Variants in EIF2AK4 observed in about 807,000 individuals in gnomAD.
EIF2AK4 encodes the protein eIF-2-alpha kinase GCN2.
EIF2AK4 carries 139 observed loss-of-function variants against 211.1 expected under a neutral mutation model. That is an observed-to-expected ratio of 0.66 (90% CI 0.57 to 0.76). The LOEUF (loss-of-function observed/expected upper bound fraction) is 0.76, where lower values mean the gene tolerates loss of function less well. EIF2AK4 is among the 30% of genes least tolerant of loss of function. EIF2AK4 has a pLI of 0.00. For missense variants in EIF2AK4, 1,664 were observed against 2,043.8 expected (o/e 0.81, Z 3.58); for synonymous variants, 710 against 751.3 (o/e 0.94, Z 0.90).
rs926325122 is a variant in EIF2AK4 at position 40,035,205 on chromosome 15, C to A, written c.*121C>A. 6.7e-6 allele frequency: 5 copies of A among 741,676 alleles called. No homozygotes were observed. The Admixed American group carries it at 1.2e-4, about 18-fold the overall frequency. The allele number at this position is 741,676 out of a possible 1,614,324, so 45.9% of individuals were successfully genotyped here. On this transcript the variant is annotated 3_prime_UTR_variant, in exon 39 of 39. Transcript: ENST00000263791. ...TAAGAAGAGGCTGGGTGCAGTGGCT[C>A]ACACCTTTAATCCCAGCACTTTGGG... is the stretch of plus-strand genomic sequence containing the variant.
intron 18 of EIF2AK4, among the ~76,000 whole-genome samples, chr15:39,996,326 G>A (rs1010489613): frequency 2.0e-5 from 3 of 152,192 alleles, no homozygotes; most frequent in African/African-American, 7.2e-5. Flanking sequence ...ATCAATCTCA[G>A]TTGTCCTTGC....
Position 40,035,004 on chromosome 15 carries a change from A to T in EIF2AK4, c.4893-23A>T, listed in dbSNP as rs182154171. On this transcript the variant is annotated intron_variant, in intron 38 of 38. Transcript: ENST00000263791. ...CACTCATTAAACTGAGTCTGTCCTT[A>T]TATCTTTTCTTTTCTTTTGCAGGGT... The T allele has an allele frequency of 2.1e-4, 330 of 1,563,122 alleles. 1 individual carries two copies. The highest frequency in any genetic ancestry group is 3.2e-4 in the East Asian group (14 of 44,330).
chr15:39,965,828 T>C lies in EIF2AK4; in HGVS notation c.1002T>C (p.Asp334=). Residue 334 remains aspartate, a synonymous_variant, in exon 8 of 39, where the codon GAT becomes GAC. Transcript: ENST00000263791. ...CCAGTCAAGAAAAAGAGAAGATTGA[T>C]AAGTGCAAAAAGCAGGTAAGCATCC... ...FLTSQEKEKI[D]KCKKQIQGTE... 6.2e-7 allele frequency: 1 copy of C among 1,613,958 alleles called. No homozygotes were observed. The highest frequency in any genetic ancestry group is 8.5e-7 in the Non-Finnish European group (1 of 1,179,912).
intron 34 of EIF2AK4, among the ~76,000 whole-genome samples, chr15:40,029,839 C>T (rs1443746302): frequency 6.6e-6 from 1 of 152,160 alleles, no homozygotes; most frequent in Non-Finnish European, 1.5e-5. Context: ...TTCGTGAAAG[C>T]CAAGAGGGCA....
chr15:39,967,596 A>G lies in EIF2AK4; in HGVS notation c.1270A>G (p.Lys424Glu), dbSNP rs772167735. The change falls in exon 9 of 39, where the codon AAG becomes GAG. Residue 424 changes from lysine to glutamate, a missense_variant. Coordinates refer to ENST00000263791, the MANE Select transcript of EIF2AK4 (RefSeq NM_001013703.4). ...DYLHSNSVVH[K>E]VLSASNVLVD... ...TCTGCACAGCAATTCTGTGGTGCAT[A>G]AGGTCCTGAGTGCATCTAATGTCTT... The G allele has an allele frequency of 1.2e-6, 2 of 1,613,834 alleles. No homozygotes were observed. The highest frequency in any genetic ancestry group is 1.3e-5 in the African/African-American group (1 of 74,924).
At chr15:39,943,348 ACTC>A in intron 2 of EIF2AK4, 32 bp from the exon 3 acceptor site, 2 of 1,224,614 alleles carry the variant, frequency 1.6e-6, no homozygotes, top group Non-Finnish European at 2.3e-6. Flanking sequence ...TTCTGGAGTA[ACTC>A]TTTTTTTTTT....
Position 40,034,442 on chromosome 15 carries a change from AAAGT to A in EIF2AK4, c.4892+3_4892+6del, listed in dbSNP as rs2035586765. 5.0e-6 allele frequency: 8 copies of A among 1,612,174 alleles called. No individual in the cohort carries two copies. Among genetic ancestry groups the A allele is most frequent in the Non-Finnish European group, 6.8e-6 (8 of 1,178,386 alleles). ...AAATTTATAACATCAAAGTAGAAAA[AAAGT>A]AAGTTATCACTTGGGCATAGCAGGG... On this transcript the variant is annotated splice_donor_variant and coding_sequence_variant, in exon 38 of 39. Transcript: ENST00000263791. LOFTEE classifies it high-confidence loss of function.
At chr15:39,961,703 A>G in intron 6 of EIF2AK4, 81 bp from the exon 7 acceptor site, 2 of 1,106,608 alleles carry the variant, frequency 1.8e-6, no homozygotes, top group Non-Finnish European at 2.7e-6. Flanking sequence ...GCCTATGTTA[A>G]TCTATAACAT....
intron 5 of EIF2AK4, among the ~76,000 whole-genome samples, chr15:39,954,639 C>G (rs1480789393): frequency 6.6e-6 from 1 of 152,130 alleles, no homozygotes; most frequent in Non-Finnish European, 1.5e-5. Flanking sequence ...GAAATTTCAT[C>G]CAGTGATGAA....
intron 6 of EIF2AK4, 113 bp from the exon 7 acceptor site, chr15:39,961,671 G>A (rs2034473999): frequency 2.6e-6 from 2 of 766,102 alleles, no homozygotes; most frequent in Middle Eastern, 3.0e-4. Context: ...TAATAAACGG[G>A]AGAAAATGGA....
chr15:40,022,962 C>T (rs1253307027), intron 32 of EIF2AK4, among the ~76,000 whole-genome samples: 7 of 152,120 alleles, frequency 4.6e-5, no homozygotes, highest in Admixed American at 4.6e-4. Context: ...CTCCTGACCT[C>T]GTGATCTGCC....
intron 4 of EIF2AK4, 124 bp downstream of exon 4, chr15:39,949,392 A>C: frequency 7.3e-7 from 1 of 1,377,870 alleles, no homozygotes; most frequent in South Asian, 1.4e-5. Context: ...GATTCAAGAA[A>C]GGTAGACACA....
At chr15:40,021,200 A>G (rs777033505) in intron 31 of EIF2AK4, among the ~76,000 whole-genome samples, 173 bp downstream of exon 31, 10 of 152,218 alleles carry the variant, frequency 6.6e-5, no homozygotes, top group Non-Finnish European at 1.3e-4. Flanking sequence ...ACTGGCTTAA[A>G]CACATATTTA....
Position 40,019,205 on chromosome 15 carries a change from G to C in EIF2AK4, c.4173+5G>C, listed in dbSNP as rs2035350590. The C allele has an allele frequency of 6.4e-7, 1 of 1,561,208 alleles. No homozygotes were observed. Among genetic ancestry groups the C allele is most frequent in the Non-Finnish European group, 8.7e-7 (1 of 1,154,366 alleles). Reference sequence around the variant, plus strand: ...GTCCTCAACATGGAGGAATCTGTAAGTTCTGGCTTGGCTTCCCAGCATACT... The same window carrying C: ...GTCCTCAACATGGAGGAATCTGTAACTTCTGGCTTGGCTTCCCAGCATACT... On this transcript the variant is annotated splice_donor_5th_base_variant and intron_variant, in intron 30 of 38. Transcript: ENST00000263791.
At position 39,939,501 on chromosome 15, in the gene EIF2AK4, T is replaced by A; in HGVS notation, c.145-4T>A. On this transcript the variant is annotated splice_polypyrimidine_tract_variant and splice_region_variant and intron_variant, in intron 1 of 38. Transcript: ENST00000263791. ...AAAAATTTTTTTTGTTTTTCCTCTT[T>A]TAGGTCAAAGAGCCCCCTGAAATCA... is the stretch of plus-strand genomic sequence containing the variant. The A allele has an allele frequency of 6.3e-7, 1 of 1,589,644 alleles. No homozygotes were observed. The highest frequency in any genetic ancestry group is 8.6e-7 in the Non-Finnish European group (1 of 1,167,720).
chr15:39,953,902 A>G lies in EIF2AK4; in HGVS notation c.514-2A>G. 1 of 1,611,436 alleles carries G rather than the reference A, an allele frequency of 6.2e-7. No homozygotes were observed. Among genetic ancestry groups the G allele is most frequent in the Non-Finnish European group, 8.5e-7 (1 of 1,179,508 alleles). On this transcript the variant is annotated splice_acceptor_variant, in intron 4 of 38. Coordinates refer to ENST00000263791, the MANE Select transcript of EIF2AK4 (RefSeq NM_001013703.4). LOFTEE classifies it high-confidence loss of function. The stretch of plus-strand genomic sequence containing the variant: ...ATTTGATGATGGTTTGATTTATTTC[A>G]GCAACGTGAAATCCTGCATGAGATT...
intron 36 of EIF2AK4, 76 bp from the exon 37 acceptor site, chr15:40,032,681 G>A: frequency 2.6e-5 from 35 of 1,371,946 alleles, no homozygotes; most frequent in Non-Finnish European, 3.6e-5. Flanking sequence ...TCATACTGCT[G>A]CATTTCACGT....
chr15:39,954,155 G>A (rs1332856551), intron 5 of EIF2AK4, among the ~76,000 whole-genome samples, 171 bp downstream of exon 5: 7 of 152,166 alleles, frequency 4.6e-5, no homozygotes, highest in Non-Finnish European at 1.0e-4. Flanking sequence ...AAAATTTAGA[G>A]TTTTATGTTG....
chr15:39,987,275 G>C (rs537754115), intron 14 of EIF2AK4, among the ~76,000 whole-genome samples: 6 of 152,304 alleles, frequency 3.9e-5, no homozygotes, highest in Admixed American at 2.0e-4. Flanking sequence ...TGTGAGGCCC[G>C]GAGGGTGAAC....
Sources: gnomAD v4.1 joint callset for allele counts (sites outside exome capture counted in the v4.1 genomes callset) on GRCh38, gnomAD v4.1.1 for gene constraint, MANE v1.5 for transcripts, NCBI Gene and HGNC (gene_info 2026-07-23, HGNC 2026-07-21) for gene names.